Variants in CHST15 observed in about 807,000 individuals in gnomAD.
CHST15 encodes the protein carbohydrate sulfotransferase 15, also known as B cell RAG associated protein (GALNAC4S-6ST).
Under a neutral mutation model 53.6 loss-of-function variants are expected in CHST15, and 30 were observed. The ratio of observed to expected loss-of-function variants is 0.56; its 90% CI spans 0.42 to 0.76. CHST15 has a LOEUF of 0.76. Among genes scored for constraint, CHST15 ranks in the 30% least tolerant of loss-of-function variants. The pLI is 0.00. For missense variants in CHST15, 627 were observed against 740.5 expected, an observed-to-expected ratio of 0.85 and a Z score of 1.78; for synonymous variants, 296 against 289.8, an observed-to-expected ratio of 1.02 and a Z score of -0.22.
intron 1 of CHST15, among the ~76,000 whole-genome samples, chr10:124,089,329 G>C (rs1949532305): frequency 6.6e-6 from 1 of 152,164 alleles, no homozygotes; most frequent in African/African-American, 2.4e-5. Context: ...GAATTTAGAC[G>C]ACTCTTCTTT....
At chr10:124,072,542 T>A (rs1325020484) in intron 1 of CHST15, among the ~76,000 whole-genome samples, 1 of 151,984 alleles carries the variant, frequency 6.6e-6, no homozygotes, top group Non-Finnish European at 1.5e-5. Context: ...GATCTACAAA[T>A]AAAAACCTTT....
At chr10:124,086,243 C>A (rs59200652) in intron 1 of CHST15, among the ~76,000 whole-genome samples, 43 of 152,322 alleles carry the variant, frequency 2.8e-4, no homozygotes, top group African/African-American at 9.9e-4. Flanking sequence ...CCACTTCTAC[C>A]AAGTACGTAC....
chr10:124,043,666 T>C (rs1314391429), intron 3 of CHST15, among the ~76,000 whole-genome samples: 6 of 152,020 alleles, frequency 3.9e-5, no homozygotes, highest in Non-Finnish European at 7.4e-5. Context: ...GCAGGGTGCA[T>C]GGGGTTAAGC....
Position 124,012,402 on chromosome 10 carries a change from G to A in CHST15, c.1426C>T (p.Leu476Phe), listed in dbSNP as rs1237995287. Reference sequence around the variant, plus strand: ...TTGGATGCATGATCTTCCAGGCGAAGAATGAGAAACTGTTGCTTGTCAAAA... The same window carrying A: ...TTGGATGCATGATCTTCCAGGCGAAAAATGAGAAACTGTTGCTTGTCAAAA... The part of the protein sequence containing the change: ...SVFDKQQFLI[L>F]RLEDHASNVK... Residue 476 changes from leucine to phenylalanine, a missense_variant, in exon 7 of 8, where the codon CTT becomes TTT. Transcript: ENST00000435907. 1 of 1,614,136 alleles carries A rather than the reference G, an allele frequency of 6.2e-7. No homozygotes were observed. Among genetic ancestry groups the A allele is most frequent in the African/African-American group, 1.3e-5 (1 of 75,032 alleles).
intron 5 of CHST15, among the ~76,000 whole-genome samples, chr10:124,022,006 G>A (rs868254053): frequency 6.6e-6 from 1 of 152,102 alleles, no homozygotes; most frequent in Non-Finnish European, 1.5e-5. Context: ...AGACTTACAC[G>A]TTTACCCGTG....
In CHST15 at chr10:124,008,285, A is replaced by T; in HGVS notation, c.*1864T>A. 8.7e-7 allele frequency: 1 copy of T among 1,148,478 alleles called. No homozygotes were observed. The highest frequency in any genetic ancestry group is 1.1e-6 in the Non-Finnish European group (1 of 936,342). The allele number at this position is 1,148,478 out of a possible 1,614,324, so 71.1% of individuals were successfully genotyped here. On this transcript the variant is annotated 3_prime_UTR_variant, in exon 8 of 8. Transcript: ENST00000435907. ...AAAAGGGTTGTGTCCAGAGCGGAGGAGCCTCATTAGCAACTGAACAGAACC... is the reference window on the plus strand; with the variant it reads ...AAAAGGGTTGTGTCCAGAGCGGAGGTGCCTCATTAGCAACTGAACAGAACC...
chr10:124,084,241 G>A (rs971622427), intron 1 of CHST15, among the ~76,000 whole-genome samples: 6 of 152,154 alleles, frequency 3.9e-5, no homozygotes, highest in African/African-American at 7.2e-5. Context: ...CCTGCCTCTC[G>A]GGGAGTCACA....
chr10:124,065,600 C>T (rs976566381), intron 1 of CHST15, among the ~76,000 whole-genome samples: 1 of 152,140 alleles, frequency 6.6e-6, no homozygotes, highest in Non-Finnish European at 1.5e-5. Context: ...GCCCCTCCCC[C>T]GCCAGTCCTG....
At chr10:124,039,555 G>C (rs1590239958) in intron 4 of CHST15, among the ~76,000 whole-genome samples, 1 of 152,240 alleles carries the variant, frequency 6.6e-6, no homozygotes, top group Non-Finnish European at 1.5e-5. Flanking sequence ...CACGCAGCTG[G>C]CGCCTACTCA....
chr10:124,025,015 A>G (rs75278875), intron 5 of CHST15, among the ~76,000 whole-genome samples: 11,622 of 152,252 alleles, frequency 0.076, 1,123 homozygotes, highest in African/African-American at 0.21. Flanking sequence ...TGGAACTGGA[A>G]TTCCATCACA....
intron 6 of CHST15, among the ~76,000 whole-genome samples, chr10:124,018,278 G>A (rs115379048): frequency 6.6e-6 from 1 of 152,214 alleles, no homozygotes; most frequent in Non-Finnish European, 1.5e-5. Flanking sequence ...AATTCACCTG[G>A]AGACAGTCTC....
At position 124,009,293 on chromosome 10, in the gene CHST15, T is replaced by G; in HGVS notation, c.*856A>C. 9.1e-7 allele frequency: 1 copy of G among 1,094,692 alleles called. No individual in the cohort carries two copies. Among genetic ancestry groups the G allele is most frequent in the Non-Finnish European group, 1.1e-6 (1 of 889,436 alleles). The allele number at this position is 1,094,692 out of a possible 1,614,324, so 67.8% of individuals were successfully genotyped here. On this transcript the variant is annotated 3_prime_UTR_variant, in exon 8 of 8. Coordinates refer to ENST00000435907, the MANE Select transcript of CHST15 (RefSeq NM_001270764.2). ...AAAAATTTCTCTTCCAATTATAAAC[T>G]GAAGTTCTTGAGAAAACGTATGAAG...
intron 5 of CHST15, among the ~76,000 whole-genome samples, chr10:124,029,280 G>A (rs981497043): frequency 1.3e-5 from 2 of 152,232 alleles, no homozygotes; most frequent in Admixed American, 6.5e-5. Context: ...GACAGGACTG[G>A]CCAGGCCAGC....
At chr10:124,058,341 C>T (rs78717563) in intron 1 of CHST15, among the ~76,000 whole-genome samples, 1,924 of 152,318 alleles carry the variant, frequency 0.013, 39 homozygotes, top group African/African-American at 0.044. Flanking sequence ...CCAGTGTCTG[C>T]CACTTGCAGA....
intron 1 of CHST15, among the ~76,000 whole-genome samples, chr10:124,068,142 G>A (rs545988874): frequency 6.6e-6 from 1 of 152,162 alleles, no homozygotes; most frequent in East Asian, 1.9e-4. Flanking sequence ...CTGCTCGGGG[G>A]GTCAGAGGCA....
chr10:124,066,464 A>G (rs1284322523), intron 1 of CHST15, among the ~76,000 whole-genome samples: 2 of 152,154 alleles, frequency 1.3e-5, no homozygotes, highest in African/African-American at 4.8e-5. Flanking sequence ...GGGAAAGAAA[A>G]AAAAAAACGA....
chr10:124,082,997 CT>C (rs1382554890), intron 1 of CHST15, among the ~76,000 whole-genome samples: 2 of 152,082 alleles, frequency 1.3e-5, no homozygotes, highest in Non-Finnish European at 2.9e-5. Context: ...AAAAAAAGTT[CT>C]AAAATTAGCT....
In CHST15 at chr10:124,038,702, G is replaced by C. The variant is rs200499000; in HGVS notation, c.1034-31C>G. 2.9e-5 allele frequency: 46 copies of C among 1,609,406 alleles called. 1 individual carries two copies. Among genetic ancestry groups the C allele is most frequent in the African/African-American group, 5.3e-5 (4 of 74,886 alleles). ...AACAGAAAACACTCCAAGTGAGCAG[G>C]GGTGTGATTCAGGCTCCCACGGAGT... On this transcript the variant is annotated intron_variant, in intron 4 of 7. Transcript: ENST00000435907.
chr10:124,042,959 CCT>C (rs1051845354), intron 3 of CHST15, among the ~76,000 whole-genome samples: 5 of 152,168 alleles, frequency 3.3e-5, no homozygotes, highest in Non-Finnish European at 7.3e-5. Flanking sequence ...CTCTCCTCCC[CCT>C]GTTCAATCAA....
Sources: allele counts gnomAD v4.1 joint callset (sites outside exome capture counted in the v4.1 genomes callset), GRCh38; gene constraint gnomAD v4.1.1; transcripts MANE v1.5; gene names NCBI Gene and HGNC (gene_info 2026-07-23, HGNC 2026-07-21).